The following USP13 variants were observed in gnomAD, a reference collection of about 807,000 sequenced individuals.
USP13 encodes ubiquitin specific peptidase 13.
In USP13, 68 loss-of-function variants were observed where a neutral mutation model predicts 107.8. That is an observed-to-expected ratio of 0.63 (90% CI 0.52 to 0.77). The LOEUF is 0.77. Ranked by LOEUF, USP13 falls within the 30% of genes least tolerant of loss-of-function variation. The pLI is 0.00. For missense variants in USP13, 945 were observed against 1,093.3 expected, an observed-to-expected ratio of 0.86 and a Z score of 1.91; for synonymous variants, 377 against 389.5, an observed-to-expected ratio of 0.97 and a Z score of 0.38.
intron 3 of USP13, among the ~76,000 whole-genome samples, chr3:179,695,035 G>A (rs950997534): frequency 2.0e-5 from 3 of 152,186 alleles, no homozygotes; most frequent in African/African-American, 4.8e-5. Context: ...CTCTTATTAG[G>A]AAGAAGGGGA....
At chr3:179,774,661 G>A (rs1326095002) in intron 19 of USP13, among the ~76,000 whole-genome samples, 2 of 152,200 alleles carry the variant, frequency 1.3e-5, no homozygotes, top group East Asian at 3.8e-4. Context: ...GCAGCAGCAA[G>A]ATTTATTGCA....
intron 2 of USP13, among the ~76,000 whole-genome samples, chr3:179,690,017 C>T (rs1017190825): frequency 1.3e-5 from 2 of 152,102 alleles, no homozygotes; most frequent in Non-Finnish European, 2.9e-5. Flanking sequence ...TTTCCAGAAG[C>T]GTTTTCTTTA....
At position 179,761,219 on chromosome 3, in the gene USP13, G is replaced by A; in HGVS notation, c.2056G>A (p.Ala686Thr). Residue 686 changes from alanine to threonine, a missense_variant, in exon 17 of 21, where the codon GCC (alanine) becomes ACC (threonine). Transcript: ENST00000263966. ...CACTGGAAATATGGGCGCCGAGGTG[G>A]CCTTCAACTGGATCATTGTTCACAT... ...YFTGNMGAEV[A>T]FNWIIVHMEE... The A allele has an allele frequency of 1.2e-6, 2 of 1,614,166 alleles. No individual in the cohort carries two copies. Among genetic ancestry groups the A allele is most frequent in the Non-Finnish European group, 1.7e-6 (2 of 1,180,034 alleles).
At chr3:179,679,775 G>C (rs1005251834) in intron 1 of USP13, among the ~76,000 whole-genome samples, 1 of 147,488 alleles carries the variant, frequency 6.8e-6, no homozygotes, top group Non-Finnish European at 1.5e-5. Flanking sequence ...TGTGAACTTG[G>C]GTAAGTGACC....
At chr3:179,720,079 G>C (rs765610523) in intron 7 of USP13, 45 bp downstream of exon 7, 2 of 1,488,698 alleles carry the variant, frequency 1.3e-6, no homozygotes, top group East Asian at 2.3e-5. Context: ...ATGGGGTAGG[G>C]GTGGGGAGAC....
Position 179,719,784 on chromosome 3 carries a change from A to G in USP13, c.806-156A>G, listed in dbSNP as rs573054676. On this transcript the variant is annotated intron_variant, in intron 6 of 20. Coordinates refer to ENST00000263966, the MANE Select transcript of USP13 (RefSeq NM_003940.3). ...AATGCCTACATATTATTTATCATTT[A>G]TCATTCGTCTTTCCTCTTGTTGAAT... 2.4e-3 allele frequency among the ~76,000 whole-genome samples: 370 copies of G among 152,356 alleles called. 1 individual carries two copies. Among genetic ancestry groups the G allele is most frequent in the Non-Finnish European group, 4.5e-3 (309 of 68,036 alleles).
Position 179,730,776 on chromosome 3 carries a change from A to G in USP13, c.1254+67A>G, listed in dbSNP as rs1713777001. The G allele has an allele frequency of 2.7e-6, 4 of 1,463,950 alleles. 1 individual carries two copies. In the South Asian group the frequency reaches 3.6e-5, roughly 13 times the overall value. The allele number at this position is 1,463,950 out of a possible 1,614,324, so 90.7% of individuals were successfully genotyped here. On this transcript the variant is annotated intron_variant, in intron 10 of 20. Coordinates refer to ENST00000263966, the MANE Select transcript of USP13 (RefSeq NM_003940.3). ...AGGAGCTTTAGAATGTGGGTTTCCT[A>G]TGATTTGGCACATGGTGGCCATAAA...
At position 179,721,704 on chromosome 3, in the gene USP13, C is replaced by A; in HGVS notation, c.1088+115C>A. The A allele has an allele frequency of 8.7e-7, 1 of 1,150,144 alleles. No individual in the cohort carries two copies. The highest frequency in any genetic ancestry group is 1.2e-6 in the Non-Finnish European group (1 of 826,942). 71.2% of individuals were successfully genotyped at this position (1,150,144 alleles called of 1,614,324 possible). A position where few individuals can be genotyped will look rare whatever the true frequency, so the allele number is the denominator to read the frequency against. On this transcript the variant is annotated intron_variant, in intron 8 of 20. Transcript: ENST00000263966. This position sits in a 1 kb window ranked among gnomAD's most constrained non-coding sequence, Gnocchi z 4.3. ...TTATTGCTTCAGGACATTTTGCCACCTTTTCTCTGGCCTGCCTTCTACAGA... is the reference window on the plus strand; with the variant it reads ...TTATTGCTTCAGGACATTTTGCCACATTTTCTCTGGCCTGCCTTCTACAGA...
chr3:179,660,115 G>A (rs1214669551), intron 1 of USP13, among the ~76,000 whole-genome samples: 2 of 151,972 alleles, frequency 1.3e-5, no homozygotes, highest in African/African-American at 4.8e-5. Flanking sequence ...ACATTCGCAT[G>A]GAAACATTTT....
intron 2 of USP13, among the ~76,000 whole-genome samples, chr3:179,687,399 C>T (rs1170166974): frequency 5.9e-5 from 9 of 152,008 alleles, no homozygotes; most frequent in African/African-American, 2.2e-4. Flanking sequence ...GTGGCTCACA[C>T]CTATAATCCC....
At chr3:179,661,685 C>T (rs1256278494) in intron 1 of USP13, among the ~76,000 whole-genome samples, 1 of 151,990 alleles carries the variant, frequency 6.6e-6, no homozygotes, top group Non-Finnish European at 1.5e-5. Context: ...TCTGGGTATT[C>T]GATACCAGCT....
chr3:179,740,142 TC>T, intron 10 of USP13, 104 bp from the exon 11 acceptor site: 1 of 1,506,234 alleles, frequency 6.6e-7, no homozygotes, highest in Non-Finnish European at 9.0e-7. Flanking sequence ...GCTGTAGTTT[TC>T]TCATCTGGAA....
At chr3:179,732,996 T>A (rs1439502778) in intron 10 of USP13, among the ~76,000 whole-genome samples, 2 of 152,106 alleles carry the variant, frequency 1.3e-5, no homozygotes, top group Non-Finnish European at 2.9e-5. Context: ...ATTTCCATCT[T>A]CTCTTAACCA....
chr3:179,728,404 C>T (rs1175708891), intron 8 of USP13, among the ~76,000 whole-genome samples: 1 of 149,972 alleles, frequency 6.7e-6, no homozygotes, highest in Admixed American at 6.6e-5. Flanking sequence ...CAGAGACGCT[C>T]CTCACTTCCC....
rs2108494515 is a variant in USP13 at position 179,721,356 on chromosome 3, T to C, written c.901-46T>C. ...TAATTAACGGGACATGACCTTTGAA[T>C]GGGAATCACATTTAAAGTTGTTTTT... On this transcript the variant is annotated intron_variant, in intron 7 of 20. Coordinates refer to ENST00000263966, the MANE Select transcript of USP13 (RefSeq NM_003940.3). This position sits in a 1 kb window ranked among gnomAD's most constrained non-coding sequence, Gnocchi z 4.3. 6.3e-7 allele frequency: 1 copy of C among 1,584,632 alleles called. No individual in the cohort carries two copies.
At chr3:179,773,248 C>T (rs143328788) in intron 19 of USP13, among the ~76,000 whole-genome samples, 123 of 152,218 alleles carry the variant, frequency 8.1e-4, no homozygotes, top group Middle Eastern at 3.4e-3. Context: ...TTATTTCCCC[C>T]GCTTTGTACA....
At chr3:179,706,140 C>T (rs533528006) in intron 4 of USP13, among the ~76,000 whole-genome samples, 7 of 152,150 alleles carry the variant, frequency 4.6e-5, no homozygotes, top group African/African-American at 1.7e-4. Context: ...CTGGGTCATG[C>T]GATAACTCTG....
At position 179,757,669 on chromosome 3, in the gene USP13, ATT is replaced by A. The variant is rs966814252; in HGVS notation, c.1948+593_1948+594del. ...ATATTAACTAGGAGAAAGAGAAAGCATTTAACACTAGATACTCTAAATCTTTT... is the reference window on the plus strand; with the variant it reads ...ATATTAACTAGGAGAAAGAGAAAGCATAACACTAGATACTCTAAATCTTTT... On this transcript the variant is annotated intron_variant, in intron 16 of 20. Coordinates refer to ENST00000263966, the MANE Select transcript of USP13 (RefSeq NM_003940.3). 2.0e-3 allele frequency among the ~76,000 whole-genome samples: 307 copies of A among 152,370 alleles called. 3 individuals carry two copies. The highest frequency in any genetic ancestry group is 7.1e-3 in the African/African-American group (297 of 41,586).
Position 179,785,664 on chromosome 3 carries a change from T to C in USP13, c.*1523T>C, listed in dbSNP as rs1715896898. The C allele has an allele frequency of 6.6e-6, 1 of 152,230 alleles. No individual in the cohort carries two copies. Among genetic ancestry groups the C allele is most frequent in the South Asian group, 2.1e-4 (1 of 4,820 alleles). 9.4% of individuals were successfully genotyped at this position (152,230 alleles called of 1,614,324 possible). A position where few individuals can be genotyped will look rare whatever the true frequency, so the allele number is the denominator to read the frequency against. On this transcript the variant is annotated 3_prime_UTR_variant, in exon 21 of 21. Transcript: ENST00000263966. Reference sequence around the variant, plus strand: ...AACCAGGTGAAACAAAGCACAGACATTGGGTTAGGATGTAGTGAGTTGTGA... The same window carrying C: ...AACCAGGTGAAACAAAGCACAGACACTGGGTTAGGATGTAGTGAGTTGTGA...
Sources: gnomAD v4.1 joint callset for allele counts (sites outside exome capture counted in the v4.1 genomes callset) on GRCh38, gnomAD v4.1.1 for gene constraint, Gnocchi (gnomAD v3.1) non-coding constraint, MANE v1.5 for transcripts, NCBI Gene and HGNC (gene_info 2026-07-23, HGNC 2026-07-21) for gene names.